Variants in CLVS1 observed in about 807,000 individuals in gnomAD.
The protein encoded by CLVS1 is clavesin 1.
A neutral mutation model predicts 33.1 loss-of-function variants in CLVS1; 10 were observed. The ratio of observed to expected loss-of-function variants is 0.30; its 90% CI spans 0.19 to 0.51. The LOEUF (loss-of-function observed/expected upper bound fraction) is 0.51, where lower values mean the gene tolerates loss of function less well. Among genes scored for constraint, CLVS1 ranks in the 20% least tolerant of loss-of-function variants. The pLI is 0.97. For synonymous variants in CLVS1, 163 were observed against 166.1 expected, an observed-to-expected ratio of 0.98 and a Z score of 0.14; for missense variants, 343 against 433.4, an observed-to-expected ratio of 0.79 and a Z score of 1.85.
intron 2 of CLVS1, among the ~76,000 whole-genome samples, chr8:61,349,490 G>A (rs1812360493): frequency 6.6e-6 from 1 of 152,056 alleles, no homozygotes; most frequent in African/African-American, 2.4e-5. Flanking sequence ...ACCTGTGCTT[G>A]GGGTGGTGCC....
the CLVS1 span, among the ~76,000 whole-genome samples, chr8:61,006,353 C>T: frequency 6.6e-6 from 1 of 152,324 alleles, no homozygotes; most frequent in East Asian, 1.9e-4. Context: ...TTCTCCTGGC[C>T]TCTCCTTGCC....
intron 2 of CLVS1, among the ~76,000 whole-genome samples, chr8:61,216,197 A>T (rs1156811953): frequency 1.3e-5 from 2 of 152,152 alleles, no homozygotes; most frequent in Non-Finnish European, 2.9e-5. Context: ...TAATAGATGA[A>T]ATATTGGCAC....
chr8:60,967,115 A>G, the CLVS1 span, among the ~76,000 whole-genome samples: 1 of 152,230 alleles, frequency 6.6e-6, no homozygotes. Context: ...GCATAAATGC[A>G]TATGAAATCT....
intron 5 of CLVS1, among the ~76,000 whole-genome samples, chr8:61,478,262 G>T (rs1020195192): frequency 3.3e-5 from 5 of 152,314 alleles, no homozygotes; most frequent in Admixed American, 1.3e-4. Context: ...TGGAATAGGT[G>T]TGGTGTGGTG....
intron 2 of CLVS1, among the ~76,000 whole-genome samples, chr8:61,187,492 C>T (rs1324912690): frequency 6.6e-6 from 1 of 152,070 alleles, no homozygotes; most frequent in African/African-American, 2.4e-5. Flanking sequence ...CTATTCTATG[C>T]CAGACATTGT....
chr8:61,220,790 G>T (rs1218199971), intron 2 of CLVS1, among the ~76,000 whole-genome samples: 1 of 152,138 alleles, frequency 6.6e-6, no homozygotes, highest in South Asian at 2.1e-4. Context: ...TCCTATCCAT[G>T]AGCATGGAAT....
chr8:61,167,698 G>A (rs1457806077), intron 2 of CLVS1, among the ~76,000 whole-genome samples: 1 of 152,068 alleles, frequency 6.6e-6, no homozygotes, highest in East Asian at 1.9e-4. Context: ...GGATGAGATA[G>A]GAGGTCAGCA....
the CLVS1 span, among the ~76,000 whole-genome samples, chr8:61,009,910 A>G: frequency 6.6e-6 from 1 of 152,248 alleles, no homozygotes; most frequent in Admixed American, 6.5e-5. Context: ...GGCTTTGACC[A>G]TGTACCATAC....
At chr8:61,406,901 G>A (rs1412838922) in intron 3 of CLVS1, among the ~76,000 whole-genome samples, 1 of 152,094 alleles carries the variant, frequency 6.6e-6, no homozygotes, top group Non-Finnish European at 1.5e-5. Context: ...GAGCTGCCGC[G>A]CCAGGCCGAC....
intron 2 of CLVS1, among the ~76,000 whole-genome samples, chr8:61,363,784 G>A (rs1813080407): frequency 2.0e-5 from 3 of 152,136 alleles, no homozygotes; most frequent in Non-Finnish European, 2.9e-5. Context: ...TCTGACCAGG[G>A]AACAAAAGTA....
intron 3 of CLVS1, among the ~76,000 whole-genome samples, chr8:61,423,740 A>G (rs1815773024): frequency 1.3e-5 from 2 of 152,174 alleles, no homozygotes; most frequent in Non-Finnish European, 2.9e-5. Context: ...TTTTATGCAG[A>G]TTCTTAGTAT....
At chr8:61,311,810 C>T (rs985611940) in intron 2 of CLVS1, among the ~76,000 whole-genome samples, 6 of 152,216 alleles carry the variant, frequency 3.9e-5, no homozygotes, top group African/African-American at 1.4e-4. Flanking sequence ...TCTTCCTTCT[C>T]AAAGCAAGTC....
At chr8:61,399,241 A>C (rs1814654818) in intron 3 of CLVS1, among the ~76,000 whole-genome samples, 1 of 151,924 alleles carries the variant, frequency 6.6e-6, no homozygotes, top group Admixed American at 6.6e-5. Context: ...AATAATAGCC[A>C]TTCTGGTATC....
chr8:61,246,903 C>G (rs1258629083), intron 2 of CLVS1, among the ~76,000 whole-genome samples: 1 of 151,900 alleles, frequency 6.6e-6, no homozygotes, highest in Admixed American at 6.6e-5. Context: ...ATTATATCAC[C>G]CAGGTATTAA....
chr8:61,247,882 G>C (rs559999596), intron 2 of CLVS1, among the ~76,000 whole-genome samples: 14 of 152,274 alleles, frequency 9.2e-5, no homozygotes, highest in African/African-American at 3.4e-4. Context: ...GGATGGGAGT[G>C]CCTAGGTTGC....
chr8:61,038,976 C>T, the CLVS1 span, among the ~76,000 whole-genome samples: 2 of 151,942 alleles, frequency 1.3e-5, no homozygotes, highest in African/African-American at 2.4e-5. Context: ...TAATATGATC[C>T]CTTAGGATAT....
At chr8:61,428,442 A>C (rs780858239) in intron 3 of CLVS1, among the ~76,000 whole-genome samples, 1 of 152,256 alleles carries the variant, frequency 6.6e-6, no homozygotes, top group Non-Finnish European at 1.5e-5. Context: ...TAGTAACATG[A>C]AACTAAGTAA....
intron 2 of CLVS1, among the ~76,000 whole-genome samples, chr8:61,312,443 A>G (rs1364865240): frequency 6.6e-6 from 1 of 152,218 alleles, no homozygotes; most frequent in Non-Finnish European, 1.5e-5. Context: ...AAGTAAAGAC[A>G]GGGTAAATTT....
At chr8:61,202,511 A>C (rs1807755138) in intron 2 of CLVS1, 1 of 1,003,272 alleles carries the variant, frequency 1.0e-6, no homozygotes, top group East Asian at 2.4e-5. Flanking sequence ...GCTGGTGCAA[A>C]GGATGAATTG....
Sources: gnomAD v4.1 joint callset for allele counts (sites outside exome capture counted in the v4.1 genomes callset) on GRCh38, gnomAD v4.1.1 for gene constraint, MANE v1.5 for transcripts, NCBI Gene and HGNC (gene_info 2026-07-23, HGNC 2026-07-21) for gene names.